PHF21A: variants seen among roughly 807,000 people sequenced by gnomAD.
PHF21A encodes the protein BHC80a.
Under a neutral mutation model 82.5 loss-of-function variants are expected in PHF21A, and 11 were observed. The ratio of observed to expected loss-of-function variants is 0.13; its 90% CI spans 0.08 to 0.22. PHF21A has a LOEUF of 0.22. PHF21A is among the 10% of genes least tolerant of loss of function. The probability of loss-of-function intolerance (pLI) is 1.00; values close to 1 mark genes in which losing one functional copy is unlikely to be tolerated. For synonymous variants in PHF21A, 297 were observed against 302.8 expected, an observed-to-expected ratio of 0.98 and a Z score of 0.20; for missense variants, 579 against 837.8, an observed-to-expected ratio of 0.69 and a Z score of 3.81.
At chr11:46,111,305 A>G (rs183374064) in intron 1 of PHF21A, among the ~76,000 whole-genome samples, 4 of 151,766 alleles carry the variant, frequency 2.6e-5, no homozygotes, top group African/African-American at 9.7e-5. Flanking sequence ...CCCCATCTCT[A>G]CTAAAAATAT....
At chr11:45,980,907 C>T (rs899723867) in intron 6 of PHF21A, among the ~76,000 whole-genome samples, 2 of 152,102 alleles carry the variant, frequency 1.3e-5, no homozygotes, top group Admixed American at 1.3e-4. Context: ...TTTGTTTAGG[C>T]AGAGTAGGGA....
chr11:46,036,419 G>A (rs1186137275), intron 6 of PHF21A, among the ~76,000 whole-genome samples: 1 of 152,168 alleles, frequency 6.6e-6, no homozygotes, highest in Non-Finnish European at 1.5e-5. Flanking sequence ...ACATCTGGGT[G>A]AACTTTAGAC....
At chr11:46,117,571 CAAG>C (rs915219663) in intron 1 of PHF21A, among the ~76,000 whole-genome samples, 7 of 152,164 alleles carry the variant, frequency 4.6e-5, no homozygotes, top group African/African-American at 1.7e-4. Context: ...GAAAAAACTA[CAAG>C]AAGTCTAAAA....
chr11:46,070,393 C>A (rs1976182), intron 6 of PHF21A, among the ~76,000 whole-genome samples: 70,331 of 151,652 alleles, frequency 0.46, 18,790 homozygotes, highest in Non-Finnish European at 0.6. Context: ...TGCAGTGGCA[C>A]CATCTTGGCT....
chr11:46,058,057 C>T, intron 6 of PHF21A, among the ~76,000 whole-genome samples: 1 of 152,188 alleles, frequency 6.6e-6, no homozygotes. Flanking sequence ...CCTAACATCT[C>T]AACTTTTAAC....
chr11:46,023,448 TAA>T (rs2095670838), intron 6 of PHF21A, among the ~76,000 whole-genome samples: 1 of 152,046 alleles, frequency 6.6e-6, no homozygotes, highest in Non-Finnish European at 1.5e-5. Flanking sequence ...CAAAACCAGG[TAA>T]GGAAATTAAG....
At chr11:46,113,927 A>C (rs1359576159) in intron 1 of PHF21A, among the ~76,000 whole-genome samples, 1 of 152,152 alleles carries the variant, frequency 6.6e-6, no homozygotes, top group Non-Finnish European at 1.5e-5. Context: ...AATTCTCAGA[A>C]GCAAACATTC....
At chr11:46,051,464 A>G (rs1367443352) in intron 6 of PHF21A, among the ~76,000 whole-genome samples, 1 of 152,170 alleles carries the variant, frequency 6.6e-6, no homozygotes. Context: ...AGAGTTTACT[A>G]GGCCTTCATT....
intron 18 of PHF21A, chr11:45,934,798 A>ATC (rs1459814724): frequency 2.6e-5 from 9 of 349,570 alleles, no homozygotes; most frequent in African/African-American, 1.9e-4. Context: ...CCGGGGACTT[A>ATC]GAGTCTTTTG....
Position 45,933,698 on chromosome 11 carries a change from ATAT to A in PHF21A, c.*267_*269del. ...CTGGTGTATAATAGAGAGAGTAAAT[ATAT>A]TATTTCACTTGGCATGGTGCTGGCA... On this transcript the variant is annotated 3_prime_UTR_variant, in exon 19 of 19. Transcript: ENST00000676320. 2.9e-6 allele frequency: 1 copy of A among 346,534 alleles called. No homozygotes were observed. The highest frequency in any genetic ancestry group is 5.2e-6 in the Non-Finnish European group (1 of 193,834). 21.5% of individuals were successfully genotyped at this position (346,534 alleles called of 1,614,324 possible). A position where few individuals can be genotyped will look rare whatever the true frequency, so the allele number is the denominator to read the frequency against.
chr11:45,999,802 A>G (rs2095054102), intron 6 of PHF21A, among the ~76,000 whole-genome samples: 1 of 152,228 alleles, frequency 6.6e-6, no homozygotes, highest in African/African-American at 2.4e-5. Context: ...AGTGGGTGAG[A>G]AATTCATCAT....
intron 6 of PHF21A, among the ~76,000 whole-genome samples, chr11:46,000,980 T>G (rs2095106580): frequency 6.6e-6 from 1 of 152,146 alleles, no homozygotes; most frequent in Non-Finnish European, 1.5e-5. Flanking sequence ...TTTCATTGTT[T>G]CACGTTCAGA....
chr11:45,955,201 G>T (rs995810705), intron 10 of PHF21A, among the ~76,000 whole-genome samples: 1 of 152,106 alleles, frequency 6.6e-6, no homozygotes, highest in Non-Finnish European at 1.5e-5. Context: ...TTCATGCAGA[G>T]CGGGTGTATA....
chr11:45,961,323 T>A (rs997043304), intron 10 of PHF21A, among the ~76,000 whole-genome samples: 12 of 152,198 alleles, frequency 7.9e-5, no homozygotes, highest in African/African-American at 2.9e-4. Context: ...TGCAAATAAA[T>A]GTCCAAATAA....
intron 1 of PHF21A, chr11:46,116,623 C>T (rs2097292991): frequency 6.6e-6 from 1 of 150,968 alleles, no homozygotes; most frequent in Admixed American, 6.6e-5. Flanking sequence ...AAAGCAGCTT[C>T]AAAACTATAA....
At chr11:46,028,727 C>T (rs1040846782) in intron 6 of PHF21A, among the ~76,000 whole-genome samples, 8 of 152,034 alleles carry the variant, frequency 5.3e-5, no homozygotes, top group African/African-American at 1.4e-4. Context: ...GCGCCCGCCA[C>T]CACGCCCAGC....
intron 6 of PHF21A, among the ~76,000 whole-genome samples, 192 bp from the exon 7 acceptor site, chr11:45,980,158 T>C (rs2094216740): frequency 6.6e-6 from 1 of 152,174 alleles, no homozygotes; most frequent in Admixed American, 6.5e-5. Context: ...ACTGATGGTG[T>C]AAGAAATGTT....
intron 9 of PHF21A, among the ~76,000 whole-genome samples, chr11:45,968,504 C>T (rs2093579509): frequency 6.6e-6 from 1 of 152,226 alleles, no homozygotes; most frequent in Non-Finnish European, 1.5e-5. Flanking sequence ...CATACATGTT[C>T]TGTCCTCTGC....
chr11:45,971,098 G>GAGCA lies in PHF21A; in HGVS notation c.612+14_612+17dup. 1 of 1,613,554 alleles carries GAGCA rather than the reference G, an allele frequency of 6.2e-7. No individual in the cohort carries two copies. The highest frequency in any genetic ancestry group is 8.5e-7 in the Non-Finnish European group (1 of 1,179,762). On this transcript the variant is annotated intron_variant, in intron 8 of 18. Transcript: ENST00000676320. ...ACCTTCTCATGTGATCACACATGAG[G>GAGCA]AGCAGCTGCTGGCTTACCAGAGTGA...
Sources: gnomAD v4.1 joint callset for allele counts (sites outside exome capture counted in the v4.1 genomes callset) on GRCh38, gnomAD v4.1.1 for gene constraint, MANE v1.5 for transcripts, NCBI Gene and HGNC (gene_info 2026-07-23, HGNC 2026-07-21) for gene names.